TBCE: variants seen among roughly 807,000 people sequenced by gnomAD.
TBCE encodes tubulin-specific chaperone E.
A neutral mutation model predicts 77.0 loss-of-function variants in TBCE; 53 were observed. That is an observed-to-expected ratio of 0.69 (90% confidence interval 0.55 to 0.87). The LOEUF (loss-of-function observed/expected upper bound fraction) is 0.87, where lower values mean the gene tolerates loss of function less well. Ranked by LOEUF, TBCE falls within the 40% of genes least tolerant of loss-of-function variation. The pLI is 0.00. For missense variants in TBCE, 624 were observed against 622.4 expected (o/e 1.00, Z -0.03); for synonymous variants, 235 against 241.3 (o/e 0.97, Z 0.24).
At chr1:235,434,068 A>G (rs184509920) in intron 7 of TBCE, 136 bp from the exon 8 acceptor site, 20 of 787,368 alleles carry the variant, frequency 2.5e-5, no homozygotes, top group Middle Eastern at 2.3e-4. Context: ...GGCCTGAAAC[A>G]GTCTTATGAA....
At chr1:235,417,957 T>A (rs1285803357) in intron 4 of TBCE, among the ~76,000 whole-genome samples, 1 of 152,142 alleles carries the variant, frequency 6.6e-6, no homozygotes, top group Non-Finnish European at 1.5e-5. Context: ...TTTGTTATTT[T>A]TTTTAGTAGA....
intron 3 of TBCE, among the ~76,000 whole-genome samples, chr1:235,404,648 AC>A (rs1307220130): frequency 6.6e-6 from 1 of 151,632 alleles, no homozygotes; most frequent in African/African-American, 2.4e-5. Flanking sequence ...GCTTCCTGTA[AC>A]TTTTTTATGT....
chr1:235,419,651 G>A (rs1680288634), intron 5 of TBCE, 90 bp downstream of exon 5: 1 of 1,558,382 alleles, frequency 6.4e-7, no homozygotes, highest in Non-Finnish European at 8.8e-7. Context: ...CCATTGTCCA[G>A]TCTTGACAAC....
chr1:235,368,965 C>T (rs1203493471), intron 1 of TBCE, among the ~76,000 whole-genome samples: 1 of 152,148 alleles, frequency 6.6e-6, no homozygotes, highest in African/African-American at 2.4e-5. Flanking sequence ...CCTGATTAAT[C>T]TCTTCCATAT....
At chr1:235,435,170 G>A (rs1453598947) in intron 8 of TBCE, among the ~76,000 whole-genome samples, 1 of 151,396 alleles carries the variant, frequency 6.6e-6, no homozygotes, top group Non-Finnish European at 1.5e-5. Context: ...GCACCATCTC[G>A]GCTCACTGCA....
intron 4 of TBCE, chr1:235,419,045 A>G: frequency 3.5e-6 from 1 of 289,378 alleles, no homozygotes; most frequent in Non-Finnish European, 6.7e-6. Context: ...CGTCTCTACT[A>G]AAAACACAAA....
chr1:235,437,823 T>A (rs1238044321), intron 12 of TBCE, among the ~76,000 whole-genome samples: 1 of 145,476 alleles, frequency 6.9e-6, no homozygotes, highest in Non-Finnish European at 1.5e-5. Context: ...CTGTCTTAAT[T>A]TAAAAAAAAA....
intron 1 of TBCE, among the ~76,000 whole-genome samples, chr1:235,373,874 C>T (rs1677132758): frequency 6.9e-6 from 1 of 145,930 alleles, no homozygotes; most frequent in Admixed American, 6.8e-5. Flanking sequence ...TGGTCTCGAT[C>T]TCCTGACCTC....
chr1:235,389,152 A>G (rs1678216467), intron 2 of TBCE, among the ~76,000 whole-genome samples: 1 of 152,150 alleles, frequency 6.6e-6, no homozygotes, highest in Admixed American at 6.6e-5. Context: ...AATATAGATA[A>G]AAGTTTTTTA....
chr1:235,406,898 G>T (rs1393615563), intron 3 of TBCE, among the ~76,000 whole-genome samples: 1 of 140,824 alleles, frequency 7.1e-6, no homozygotes, highest in East Asian at 2.1e-4. Context: ...GCAATGGCGT[G>T]ATCTCGCCTC....
rs191139254 is a variant in TBCE at position 235,446,371 on chromosome 1, T to G, written c.1400-1978T>G. ...TTTGTATTTTTAGTAGAGACGGGGT[T>G]TCTCCATGTTGGCCAGGCTGGTCTC... is the stretch of plus-strand genomic sequence containing the variant. On this transcript the variant is annotated intron_variant, in intron 15 of 16. Transcript: ENST00000642610. 2.4e-4 allele frequency among the ~76,000 whole-genome samples: 37 copies of G among 152,200 alleles called. 1 individual carries two copies. The East Asian group carries it at 7.0e-3, about 29-fold the overall frequency.
intron 2 of TBCE, among the ~76,000 whole-genome samples, chr1:235,399,689 T>C (rs551483816): frequency 6.6e-6 from 1 of 152,312 alleles, no homozygotes; most frequent in South Asian, 2.1e-4. Flanking sequence ...CCTGTAAATG[T>C]AAGTAAGTGT....
At position 235,437,481 on chromosome 1, in the gene TBCE, A is replaced by G. The variant is rs1681538727; in HGVS notation, c.1116+7A>G. 6.2e-7 allele frequency: 1 copy of G among 1,613,902 alleles called. No individual in the cohort carries two copies. The highest frequency in any genetic ancestry group is 8.5e-7 in the Non-Finnish European group (1 of 1,179,916). On this transcript the variant is annotated splice_region_variant and intron_variant, in intron 12 of 16. Coordinates refer to ENST00000642610, the MANE Select transcript of TBCE (RefSeq NM_003193.5). ...GACGCTGAACAAATGTGAGGTGAGC[A>G]CTGGCGTCATGACTAGATATTTTTT...
At position 235,427,195 on chromosome 1, in the gene TBCE, A is replaced by G. The variant is rs1172923780; in HGVS notation, c.516A>G (p.Ile172Met). ...KNLLSSWDEVIHIADQLRHLE... is the reference protein window; with the variant it reads ...KNLLSSWDEVMHIADQLRHLE... ...TGTTGTCATCATGGGATGAAGTGAT[A>G]CACATTGCTGATCAGCTCAGACACC... The change falls in exon 6 of 17, where the codon ATA becomes ATG. Residue 172 changes from isoleucine to methionine, a missense_variant. Ile to Met is a conservative substitution (Grantham distance 10). Transcript: ENST00000642610. 2 of 1,614,080 alleles carry G rather than the reference A, an allele frequency of 1.2e-6. No homozygotes were observed. The highest frequency in any genetic ancestry group is 1.1e-5 in the South Asian group (1 of 91,086).
chr1:235,420,481 ATTTTTT>A (rs36062739), intron 5 of TBCE, among the ~76,000 whole-genome samples: 1 of 107,104 alleles, frequency 9.3e-6, no homozygotes, highest in Non-Finnish European at 1.8e-5. Context: ...TGTCTGGCTA[ATTTTTT>A]TTTTTTTTTT....
intron 2 of TBCE, among the ~76,000 whole-genome samples, chr1:235,389,045 C>T (rs150175383): frequency 1.1e-3 from 174 of 152,282 alleles, no homozygotes; most frequent in African/African-American, 4.0e-3. Context: ...CATAAGAGGG[C>T]AGACAGTTGA....
chr1:235,424,322 CTTT>C (rs1160280902), intron 5 of TBCE, among the ~76,000 whole-genome samples: 1 of 123,776 alleles, frequency 8.1e-6, no homozygotes, highest in Non-Finnish European at 1.7e-5. Flanking sequence ...TCTTAGAGCT[CTTT>C]TTTTTTTTTT....
intron 1 of TBCE, among the ~76,000 whole-genome samples, chr1:235,376,487 G>T (rs1313501383): frequency 6.6e-6 from 1 of 152,150 alleles, no homozygotes; most frequent in Non-Finnish European, 1.5e-5. Flanking sequence ...ATGGAGCCAA[G>T]ATTTGGCCTA....
At chr1:235,412,021 C>T (rs1572386144) in intron 3 of TBCE, among the ~76,000 whole-genome samples, 1 of 143,812 alleles carries the variant, frequency 7.0e-6, no homozygotes, top group Non-Finnish European at 1.5e-5. Flanking sequence ...GTTACCTTAC[C>T]TGACCTGGTT....
Sources: allele counts gnomAD v4.1 joint callset (sites outside exome capture counted in the v4.1 genomes callset), GRCh38; gene constraint gnomAD v4.1.1; transcripts MANE v1.5; gene names NCBI Gene and HGNC (gene_info 2026-07-23, HGNC 2026-07-21).